ESRRB: variants seen among roughly 807,000 people sequenced by gnomAD.
ESRRB encodes steroid hormone receptor ERR2.
ESRRB carries 16 observed loss-of-function variants against 46.0 expected under a neutral mutation model. The observed-to-expected ratio is 0.35, with a 90% confidence interval of 0.24 to 0.53. The LOEUF (loss-of-function observed/expected upper bound fraction) is 0.53. Ranked by LOEUF, ESRRB falls within the 20% of genes least tolerant of loss-of-function variation. The probability of loss-of-function intolerance (pLI) is 0.93; values close to 1 mark genes in which losing one functional copy is unlikely to be tolerated. For synonymous variants in ESRRB, 246 were observed against 259.6 expected (o/e 0.95, Z 0.50); for missense variants, 488 against 607.4 (o/e 0.80, Z 2.07).
At chr14:76,419,913 A>G (rs1886868989) in intron 1 of ESRRB, among the ~76,000 whole-genome samples, 3 of 152,100 alleles carry the variant, frequency 2.0e-5, no homozygotes, top group Admixed American at 2.0e-4. Context: ...GAAAGCCCAG[A>G]GCCCTGGATC....
At chr14:76,350,469 G>T (rs1180871751) in intron 1 of ESRRB, among the ~76,000 whole-genome samples, 1 of 152,166 alleles carries the variant, frequency 6.6e-6, no homozygotes, top group African/African-American at 2.4e-5. Flanking sequence ...TTGCATGGCT[G>T]CCCAGGAGAC....
In ESRRB at chr14:76,482,853, C is replaced by T; in HGVS notation, c.850+94C>T. On this transcript the variant is annotated intron_variant, in intron 5 of 6. Coordinates refer to ENST00000644823, the MANE Select transcript of ESRRB (RefSeq NM_001379180.1). The surrounding 1 kb of genome is among the most constrained non-coding windows in gnomAD (Gnocchi z 4.3). Reference sequence around the variant, plus strand: ...TGGCTGTGCTTCTGATGCCCGGATCCTGGACCCCAGAAGGCCTGTGAAATC... The same window carrying T: ...TGGCTGTGCTTCTGATGCCCGGATCTTGGACCCCAGAAGGCCTGTGAAATC... The T allele has an allele frequency of 4.0e-6, 6 of 1,486,090 alleles. No individual in the cohort carries two copies. The highest frequency in any genetic ancestry group is 2.8e-6 in the Non-Finnish European group (3 of 1,073,942). 92.1% of individuals were successfully genotyped at this position (1,486,090 alleles called of 1,614,324 possible).
At chr14:76,351,986 T>TA (rs201356393) in intron 1 of ESRRB, among the ~76,000 whole-genome samples, 4,293 of 91,504 alleles carry the variant, frequency 0.047, 200 homozygotes, top group African/African-American at 0.12. Context: ...CCCAGTCTCT[T>TA]AAAAAAAAAA....
intron 1 of ESRRB, among the ~76,000 whole-genome samples, chr14:76,423,918 C>G (rs1444293184): frequency 6.6e-6 from 1 of 152,002 alleles, no homozygotes; most frequent in Non-Finnish European, 1.5e-5. Context: ...GATAGCATGA[C>G]AGAGGTTGGG....
intron 3 of ESRRB, among the ~76,000 whole-genome samples, chr14:76,464,479 C>T (rs1889022664): frequency 1.3e-5 from 2 of 152,232 alleles, no homozygotes; most frequent in Non-Finnish European, 2.9e-5. Context: ...ATCCATAAAA[C>T]AGAAGCTCTT....
chr14:76,436,403 G>C (rs1887676472), intron 1 of ESRRB, among the ~76,000 whole-genome samples: 1 of 152,218 alleles, frequency 6.6e-6, no homozygotes, highest in Non-Finnish European at 1.5e-5. Flanking sequence ...TATGTCAAGT[G>C]TATCTCCTGA....
chr14:76,461,403 G>A (rs2139988613), intron 2 of ESRRB, among the ~76,000 whole-genome samples: 1 of 150,962 alleles, frequency 6.6e-6, no homozygotes. Context: ...GCTGGACACT[G>A]GGGAGCAGCC....
chr14:76,399,985 T>C (rs1317736384), intron 1 of ESRRB, among the ~76,000 whole-genome samples: 1 of 152,180 alleles, frequency 6.6e-6, no homozygotes, highest in East Asian at 1.9e-4. Flanking sequence ...GAATAAATAA[T>C]GGCCCAGCAA....
In ESRRB at chr14:76,500,708, G is replaced by A; in HGVS notation, c.*2250G>A. 6.2e-7 allele frequency: 1 copy of A among 1,613,906 alleles called. No individual in the cohort carries two copies. Among genetic ancestry groups the A allele is most frequent in the Non-Finnish European group, 8.5e-7 (1 of 1,179,870 alleles). On this transcript the variant is annotated 3_prime_UTR_variant, in exon 7 of 7. Transcript: ENST00000644823. ...TGTCTTTTCTAGGGAAAGCATCTCT[G>A]GCTCACCATGTAACATCTGGCTTGG...
chr14:76,388,420 C>T (rs552677115), intron 1 of ESRRB, among the ~76,000 whole-genome samples: 4 of 152,186 alleles, frequency 2.6e-5, no homozygotes, highest in South Asian at 4.1e-4. Context: ...CTCCTGACCT[C>T]GTGATCCATC....
chr14:76,335,167 T>C (rs78314634), intron 1 of ESRRB, among the ~76,000 whole-genome samples: 1,580 of 152,316 alleles, frequency 0.01, 15 homozygotes, highest in Non-Finnish European at 0.017. Flanking sequence ...CCATTTGGAA[T>C]GCTCTCCTTC....
chr14:76,399,812 C>T lies in ESRRB; in HGVS notation c.50+23361C>T, dbSNP rs8013385. Among the ~76,000 whole-genome samples the T allele has an allele frequency of 7.8e-3, 1,186 of 152,196 alleles. 9 individuals are homozygous for T. Among genetic ancestry groups the T allele is most frequent in the African/African-American group, 0.027 (1,130 of 41,522 alleles). ...AGCGCTCACTAGGGTGTATAAATACCGGTTGGTCACAATTGGTCTCCTGAC... is the reference window on the plus strand; with the variant it reads ...AGCGCTCACTAGGGTGTATAAATACTGGTTGGTCACAATTGGTCTCCTGAC... On this transcript the variant is annotated intron_variant, in intron 1 of 6. Transcript: ENST00000644823.
At chr14:76,390,696 C>A (rs74069864) in intron 1 of ESRRB, among the ~76,000 whole-genome samples, 3,051 of 152,254 alleles carry the variant, frequency 0.02, 99 homozygotes, top group African/African-American at 0.07. Flanking sequence ...GGTTCATGTC[C>A]TTTCCCTACA....
At chr14:76,433,163 A>T (rs1887527995) in intron 1 of ESRRB, among the ~76,000 whole-genome samples, 1 of 152,074 alleles carries the variant, frequency 6.6e-6, no homozygotes, top group Non-Finnish European at 1.5e-5. Flanking sequence ...TCAAAATATG[A>T]CGTCAGTGGG....
At chr14:76,469,929 G>GTTTTTT (rs769935944) in intron 3 of ESRRB, among the ~76,000 whole-genome samples, 48 of 78,708 alleles carry the variant, frequency 6.1e-4, no homozygotes, top group Middle Eastern at 0.018. Context: ...GTTTTTTGTT[G>GTTTTTT]TTTTTTTTTT....
intron 1 of ESRRB, among the ~76,000 whole-genome samples, chr14:76,313,401 C>G (rs760962370): frequency 6.6e-6 from 1 of 152,016 alleles, no homozygotes; most frequent in Non-Finnish European, 1.5e-5. Context: ...ACCATTCCAT[C>G]CTTGTCATTG....
chr14:76,317,969 A>G (rs966874279), intron 1 of ESRRB, among the ~76,000 whole-genome samples: 1 of 152,144 alleles, frequency 6.6e-6, no homozygotes, highest in African/African-American at 2.4e-5. Flanking sequence ...TGGCTTTAGC[A>G]TCATTCTCCT....
upstream of ESRRB, among the ~76,000 whole-genome samples, chr14:76,373,544 GCA>G (rs1284823401): frequency 6.6e-6 from 1 of 152,226 alleles, no homozygotes; most frequent in African/African-American, 2.4e-5. Flanking sequence ...TGGGCCCCAT[GCA>G]CAGTGTGGGA....
At chr14:76,388,918 G>A (rs1195817174) in intron 1 of ESRRB, among the ~76,000 whole-genome samples, 1 of 152,080 alleles carries the variant, frequency 6.6e-6, no homozygotes, top group Non-Finnish European at 1.5e-5. Flanking sequence ...GAGTCTCAGT[G>A]CCCTACCTTG....
Sources: allele counts gnomAD v4.1 joint callset (sites outside exome capture counted in the v4.1 genomes callset), GRCh38; gene constraint gnomAD v4.1.1; non-coding constraint Gnocchi (gnomAD v3.1); transcripts MANE v1.5; gene names NCBI Gene and HGNC (gene_info 2026-07-23, HGNC 2026-07-21).